Variants in SLC4A10 observed in about 807,000 individuals in gnomAD.
SLC4A10 encodes solute carrier family 4 member 10, also known as sodium-driven chloride bicarbonate exchanger.
In SLC4A10, 42 loss-of-function variants were observed where a neutral mutation model predicts 137.7. The ratio of observed to expected loss-of-function variants is 0.30; its 90% confidence interval spans 0.24 to 0.39. SLC4A10 has a LOEUF of 0.39. SLC4A10 is among the 10% of genes least tolerant of loss of function. The probability of loss-of-function intolerance (pLI) is 1.00; values close to 1 mark genes in which losing one functional copy is unlikely to be tolerated. For missense variants in SLC4A10, 925 were observed against 1,355.0 expected, an observed-to-expected ratio of 0.68 and a Z score of 4.98; for synonymous variants, 474 against 464.1, an observed-to-expected ratio of 1.02 and a Z score of -0.27.
intron 1 of SLC4A10, among the ~76,000 whole-genome samples, chr2:161,661,735 A>G (rs2038426195): frequency 6.6e-6 from 1 of 152,178 alleles, no homozygotes; most frequent in Admixed American, 6.5e-5. Context: ...TGTTGGCTTC[A>G]TTCCCATTTT....
At chr2:161,902,814 A>G (rs1031752674) in intron 12 of SLC4A10, among the ~76,000 whole-genome samples, 3 of 152,140 alleles carry the variant, frequency 2.0e-5, no homozygotes, top group South Asian at 2.1e-4. Flanking sequence ...ATTTATTTCT[A>G]AAAAGGACAG....
intron 2 of SLC4A10, among the ~76,000 whole-genome samples, chr2:161,794,546 C>T (rs2054550060): frequency 6.6e-6 from 1 of 152,028 alleles, no homozygotes; most frequent in South Asian, 2.1e-4. Context: ...CTAAGGTAGA[C>T]ACACTGAAGA....
chr2:161,873,115 T>A (rs552920706), intron 7 of SLC4A10, among the ~76,000 whole-genome samples: 2 of 152,278 alleles, frequency 1.3e-5, no homozygotes, highest in East Asian at 3.9e-4. Context: ...GAATTGTTAA[T>A]GTAATTAAGG....
chr2:161,838,140 G>C (rs1482518535), intron 3 of SLC4A10, among the ~76,000 whole-genome samples: 1 of 152,154 alleles, frequency 6.6e-6, no homozygotes, highest in Non-Finnish European at 1.5e-5. Flanking sequence ...AGAAAGTCCA[G>C]AAAAACAGTC....
chr2:161,764,991 G>A (rs1416631085), intron 1 of SLC4A10, among the ~76,000 whole-genome samples: 4 of 152,066 alleles, frequency 2.6e-5, no homozygotes, highest in African/African-American at 7.2e-5. Flanking sequence ...ATTTCTGTCG[G>A]ATTAGTTACT....
Position 161,900,894 on chromosome 2 carries a change from CA to C in SLC4A10, c.1342-11del, listed in dbSNP as rs1682950114. On this transcript the variant is annotated splice_polypyrimidine_tract_variant and intron_variant, in intron 11 of 26. Transcript: ENST00000446997. ...ATTAAAACAAAACAAAACACATGAACAAAAAACTCTCCACAGGAGAAGAGGA... is the reference window on the plus strand; with the variant it reads ...ATTAAAACAAAACAAAACACATGAACAAAAACTCTCCACAGGAGAAGAGGA... 1 of 1,503,730 alleles carries C rather than the reference CA, an allele frequency of 6.7e-7. No individual in the cohort carries two copies. The highest frequency in any genetic ancestry group is 8.9e-7 in the Non-Finnish European group (1 of 1,123,284). The allele number at this position is 1,503,730 out of a possible 1,614,324, so 93.1% of individuals were successfully genotyped here. A position where few individuals can be genotyped will look rare whatever the true frequency, so the allele number is the denominator to read the frequency against.
chr2:161,718,905 T>G (rs1171214876), intron 1 of SLC4A10, among the ~76,000 whole-genome samples: 1 of 151,880 alleles, frequency 6.6e-6, no homozygotes, highest in East Asian at 1.9e-4. Flanking sequence ...TCTCCCACTG[T>G]TTTTTTTATT....
intron 1 of SLC4A10, among the ~76,000 whole-genome samples, chr2:161,673,030 G>A (rs996283272): frequency 6.6e-6 from 1 of 152,192 alleles, no homozygotes; most frequent in African/African-American, 2.4e-5. Flanking sequence ...GCATATGCGA[G>A]TGCAGTATTA....
At chr2:161,672,795 T>C (rs998715345) in intron 1 of SLC4A10, among the ~76,000 whole-genome samples, 1 of 152,204 alleles carries the variant, frequency 6.6e-6, no homozygotes, top group Non-Finnish European at 1.5e-5. Context: ...GAATATCCAA[T>C]TTATACTTCT....
intron 2 of SLC4A10, among the ~76,000 whole-genome samples, chr2:161,803,537 G>C (rs2055596052): frequency 6.6e-6 from 1 of 152,064 alleles, no homozygotes; most frequent in South Asian, 2.1e-4. Context: ...CCTTCTCCCT[G>C]AAGCCCTGAC....
At chr2:161,633,224 G>C (rs2033872780) in intron 1 of SLC4A10, among the ~76,000 whole-genome samples, 3 of 151,656 alleles carry the variant, frequency 2.0e-5, no homozygotes, top group Admixed American at 2.0e-4. Context: ...TCCATTGTAG[G>C]TTGAGAAGCA....
chr2:161,760,997 T>C (rs2050198739), intron 1 of SLC4A10, among the ~76,000 whole-genome samples: 1 of 151,978 alleles, frequency 6.6e-6, no homozygotes, highest in African/African-American at 2.4e-5. Flanking sequence ...CTGCAATATA[T>C]AAATAATATT....
At chr2:161,978,159 C>T (rs868380015) in intron 26 of SLC4A10, among the ~76,000 whole-genome samples, 1 of 151,794 alleles carries the variant, frequency 6.6e-6, no homozygotes, top group Non-Finnish European at 1.5e-5. Flanking sequence ...CCAAGGTGAG[C>T]GGATCACTTG....
intron 1 of SLC4A10, 67 bp downstream of exon 1, chr2:161,624,633 T>G (rs1265830236): frequency 1.3e-6 from 2 of 1,548,696 alleles, no homozygotes; most frequent in Admixed American, 2.0e-5. Flanking sequence ...GCAAGCGGTC[T>G]GCTAGCTAGG....
chr2:161,759,011 AT>A (rs2049966221), intron 1 of SLC4A10, among the ~76,000 whole-genome samples: 1 of 151,976 alleles, frequency 6.6e-6, no homozygotes, highest in Non-Finnish European at 1.5e-5. Flanking sequence ...TTTTAAACTC[AT>A]TTTATTTTAT....
At chr2:161,871,863 T>C (rs1297108323) in intron 6 of SLC4A10, among the ~76,000 whole-genome samples, 1 of 152,136 alleles carries the variant, frequency 6.6e-6, no homozygotes, top group Non-Finnish European at 1.5e-5. Flanking sequence ...TACTGTGTAA[T>C]TTTCAGATAA....
chr2:161,802,411 C>T (rs540328039), intron 2 of SLC4A10, among the ~76,000 whole-genome samples: 14 of 151,998 alleles, frequency 9.2e-5, no homozygotes, highest in East Asian at 1.9e-4. Context: ...GAAAAAATCA[C>T]GTAATTTAAG....
chr2:161,824,614 A>C (rs2057890434), intron 3 of SLC4A10, among the ~76,000 whole-genome samples: 1 of 152,250 alleles, frequency 6.6e-6, no homozygotes, highest in Admixed American at 6.5e-5. Context: ...CAGCGCCAGA[A>C]GATAAGGAAG....
At chr2:161,706,611 A>G (rs2043689101) in intron 1 of SLC4A10, among the ~76,000 whole-genome samples, 1 of 151,558 alleles carries the variant, frequency 6.6e-6, no homozygotes, top group Non-Finnish European at 1.5e-5. Flanking sequence ...AGTAGCCGGG[A>G]TATTTTAAAC....
Sources: allele counts gnomAD v4.1 joint callset (sites outside exome capture counted in the v4.1 genomes callset), GRCh38; gene constraint gnomAD v4.1.1; transcripts MANE v1.5; gene names NCBI Gene and HGNC (gene_info 2026-07-23, HGNC 2026-07-21).